The following SBNO1 variants were observed in gnomAD, a reference collection of about 807,000 sequenced individuals.
SBNO1 encodes the protein strawberry notch homolog 1, also known as protein strawberry notch homolog 1.
Under a neutral mutation model 173.6 loss-of-function variants are expected in SBNO1, and 23 were observed. The ratio of observed to expected loss-of-function variants is 0.13; its 90% CI spans 0.10 to 0.19. The LOEUF (loss-of-function observed/expected upper bound fraction) is 0.19. Among genes scored for constraint, SBNO1 ranks in the 10% least tolerant of loss-of-function variants. The pLI is 1.00. For synonymous variants in SBNO1, 632 were observed against 571.5 expected (o/e 1.11, Z -1.51); for missense variants, 1,238 against 1,671.2 (o/e 0.74, Z 4.52).
At chr12:123,311,746 A>ATATATT (rs1555246243) in intron 24 of SBNO1, among the ~76,000 whole-genome samples, 1 of 135,948 alleles carries the variant, frequency 7.4e-6, no homozygotes, top group Admixed American at 7.5e-5. Flanking sequence ...ATATATATAT[A>ATATATT]TATTTTTGCG....
rs367807815 is a variant in SBNO1 at position 123,325,479 on chromosome 12, C to A, written c.1973+23G>T. On this transcript the variant is annotated intron_variant, in intron 15 of 31. Coordinates refer to ENST00000602398, the MANE Select transcript of SBNO1 (RefSeq NM_001167856.3). ...GGAAGAACTCAAAAAGAAACAAAAA[C>A]ATTAAAAGAACAAAAACATTACTTG... is the stretch of plus-strand genomic sequence containing the variant. 9.6e-5 allele frequency: 148 copies of A among 1,540,766 alleles called. No homozygotes were observed. The African/African-American group carries it at 1.3e-3, about 13-fold the overall frequency.
At position 123,328,041 on chromosome 12, in the gene SBNO1, G is replaced by GTGTTACA; in HGVS notation, c.1297-15_1297-14insTGTAACA. Reference sequence around the variant, plus strand: ...ATCAAACACTATCTAAATGGAATGAGTTAAGGAATGTATCACATTAGTATT... The same window carrying GTGTTACA: ...ATCAAACACTATCTAAATGGAATGAGTGTTACATTAAGGAATGTATCACATTAGTATT... On this transcript the variant is annotated splice_polypyrimidine_tract_variant and intron_variant, in intron 10 of 31. Coordinates refer to ENST00000602398, the MANE Select transcript of SBNO1 (RefSeq NM_001167856.3). 1 of 1,586,592 alleles carries GTGTTACA rather than the reference G, an allele frequency of 6.3e-7. No homozygotes were observed. Among genetic ancestry groups the GTGTTACA allele is most frequent in the Non-Finnish European group, 8.6e-7 (1 of 1,161,836 alleles).
chr12:123,337,159 A>AT, intron 5 of SBNO1, among the ~76,000 whole-genome samples: 1 of 152,332 alleles, frequency 6.6e-6, no homozygotes, highest in Admixed American at 6.5e-5. Flanking sequence ...ACCCTGGCAC[A>AT]TTTGAGTTGG....
chr12:123,320,364 C>T (rs879186673), intron 19 of SBNO1, 68 bp downstream of exon 19: 2 of 1,365,596 alleles, frequency 1.5e-6, no homozygotes, highest in Admixed American at 2.2e-5. Context: ...TGAAGACAGT[C>T]AAAATACAAC....
chr12:123,304,312 G>A (rs940027391), intron 29 of SBNO1, among the ~76,000 whole-genome samples: 1 of 152,112 alleles, frequency 6.6e-6, no homozygotes, highest in African/African-American at 2.4e-5. Flanking sequence ...TTGGCTCACT[G>A]CAACCTCCGC....
intron 17 of SBNO1, 85 bp downstream of exon 17, chr12:123,321,450 G>A: frequency 1.0e-6 from 1 of 963,924 alleles, no homozygotes; most frequent in South Asian, 1.4e-5. Context: ...CATTTGTACT[G>A]TACAGAAGAA....
intron 1 of SBNO1, among the ~76,000 whole-genome samples, chr12:123,359,363 A>G (rs1268715313): frequency 6.6e-6 from 1 of 151,462 alleles, no homozygotes; most frequent in Non-Finnish European, 1.5e-5. Context: ...TGGCCAACAT[A>G]TACACTGGCC....
At position 123,323,693 on chromosome 12, in the gene SBNO1, T is replaced by C. The variant is rs114599080; in HGVS notation, c.2112A>G (p.Ile704Met). The change falls in exon 16 of 32, where the codon ATA becomes ATG. Residue 704 changes from isoleucine (I) to methionine (M), a missense_variant. This residue lies in a region of SBNO1 where 81 missense variants were observed against 82.6 expected (regional missense o/e 0.98). Coordinates refer to ENST00000602398, the MANE Select transcript of SBNO1 (RefSeq NM_001167856.3). ...PRDSPCKENK[I>M]KKRKGEEITR... Reference sequence around the variant, plus strand: ...TAAAGTGCTCACCTTTCCGCTTCTTTATTTTATTTTCTTTACAAGGACTAT... The same window carrying C: ...TAAAGTGCTCACCTTTCCGCTTCTTCATTTTATTTTCTTTACAAGGACTAT... The C allele has an allele frequency of 6.8e-5, 109 of 1,606,660 alleles. No individual in the cohort carries two copies. In the African/African-American group the frequency reaches 7.1e-4, roughly 10 times the overall value.
chr12:123,296,472 G>A (rs558421197), intron 31 of SBNO1, among the ~76,000 whole-genome samples: 11 of 144,584 alleles, frequency 7.6e-5, no homozygotes, highest in Admixed American at 4.2e-4. Context: ...ATACTCTCTG[G>A]GTGCTGGTTA....
intron 1 of SBNO1, among the ~76,000 whole-genome samples, chr12:123,355,827 T>C (rs892000234): frequency 6.6e-6 from 1 of 152,098 alleles, no homozygotes; most frequent in African/African-American, 2.4e-5. Context: ...CATGACCTAT[T>C]TCAAAACAGT....
intron 28 of SBNO1, among the ~76,000 whole-genome samples, chr12:123,305,752 C>T (rs1438509396): frequency 1.3e-5 from 2 of 151,984 alleles, no homozygotes; most frequent in African/African-American, 2.4e-5. Flanking sequence ...GGATTACAGA[C>T]GTGAGCCACC....
At position 123,315,035 on chromosome 12, in the gene SBNO1, G is replaced by A. The variant is rs561615921; in HGVS notation, c.3120+338C>T. Reference sequence around the variant, plus strand: ...TGGGATTACAGACATGAGCCACAGCGCCTGGCCTTTATATATATTTTATAC... The same window carrying A: ...TGGGATTACAGACATGAGCCACAGCACCTGGCCTTTATATATATTTTATAC... On this transcript the variant is annotated intron_variant, in intron 23 of 31. Coordinates refer to ENST00000602398, the MANE Select transcript of SBNO1 (RefSeq NM_001167856.3). 5.3e-5 allele frequency among the ~76,000 whole-genome samples: 8 copies of A among 151,880 alleles called. No homozygotes were observed. The East Asian group carries it at 5.8e-4, about 11-fold the overall frequency.
chr12:123,304,871 A>G (rs1406021807), intron 28 of SBNO1, 152 bp from the exon 29 acceptor site: 6 of 601,254 alleles, frequency 1.0e-5, no homozygotes, highest in African/African-American at 3.8e-5. Context: ...TGCTTGTTTA[A>G]AAGACTAACA....
chr12:123,347,610 C>T (rs1039998326), intron 3 of SBNO1, among the ~76,000 whole-genome samples: 7 of 151,504 alleles, frequency 4.6e-5, no homozygotes, highest in African/African-American at 1.7e-4. Context: ...ACTGCAACCT[C>T]CTCCACTTCC....
In SBNO1 at chr12:123,289,532, G is replaced by A. The variant is rs899293200; in HGVS notation, c.*6376C>T. 3.9e-5 allele frequency: 6 copies of A among 152,210 alleles called. No individual in the cohort carries two copies. The highest frequency in any genetic ancestry group is 1.4e-4 in the African/African-American group (6 of 41,444). 9.4% of individuals were successfully genotyped at this position (152,210 alleles called of 1,614,324 possible). On this transcript the variant is annotated 3_prime_UTR_variant, in exon 32 of 32. Transcript: ENST00000602398. ...AAGTTGTCTTTGGATCCCATCAGAT[G>A]TTGTCTCCAGATGCACCATGTCAGA...
chr12:123,324,398 T>C (rs1870363991), intron 15 of SBNO1, among the ~76,000 whole-genome samples: 1 of 151,288 alleles, frequency 6.6e-6, no homozygotes, highest in African/African-American at 2.4e-5. Flanking sequence ...CTCAGCTCAC[T>C]GCAACCTCCG....
rs1466343196 is a variant in SBNO1 at position 123,304,697 on chromosome 12, G to C, written c.3653C>G (p.Ala1218Gly). Reference sequence around the variant, plus strand: ...AGGATTCACTTCTTTAACTAAGATGGCAGTTTTCTTGTTGTTCCTTATCTG... The same window carrying C: ...AGGATTCACTTCTTTAACTAAGATGCCAGTTTTCTTGTTGTTCCTTATCTG... ...SLQIRNNKKT[A>G]ILVKEVNPKK... The change falls in exon 29 of 32, where the codon GCC becomes GGC. Residue 1218 changes from alanine (A) to glycine (G), a missense_variant. Physicochemically the swap from Ala to Gly is moderately conservative, Grantham distance 60. This residue lies in a region of SBNO1 where 351 missense variants were observed against 420.3 expected (regional missense o/e 0.84). Coordinates refer to ENST00000602398, the MANE Select transcript of SBNO1 (RefSeq NM_001167856.3). 6.5e-7 allele frequency: 1 copy of C among 1,536,620 alleles called. No individual in the cohort carries two copies. Among genetic ancestry groups the C allele is most frequent in the Non-Finnish European group, 9.0e-7 (1 of 1,116,008 alleles).
At chr12:123,308,183 G>A (rs2048967728) in intron 28 of SBNO1, among the ~76,000 whole-genome samples, 1 of 151,800 alleles carries the variant, frequency 6.6e-6, no homozygotes, top group African/African-American at 2.4e-5. Flanking sequence ...AGATACTGCT[G>A]AATATCTACA....
Position 123,298,151 on chromosome 12 carries a change from G to C in SBNO1, c.3866C>G (p.Ala1289Gly), listed in dbSNP as rs151271718. ...TATTTCACAAACTAGCCCCAAGCTT[G>C]CTTTTTTGCAATTGCCGCGCCTAAG... ...HAYWRGNCKK[A>G]SLGLVCEIGL... The change falls in exon 31 of 32, where the codon GCA becomes GGA. Residue 1289 changes from alanine to glycine, a missense_variant. Ala to Gly is a moderately conservative substitution (Grantham distance 60). Coordinates refer to ENST00000602398, the MANE Select transcript of SBNO1 (RefSeq NM_001167856.3). The C allele has an allele frequency of 1.9e-6, 3 of 1,612,752 alleles. No homozygotes were observed. The African/African-American group carries it at 4.0e-5, about 22-fold the overall frequency.
Sources: gnomAD v4.1 joint callset for allele counts (sites outside exome capture counted in the v4.1 genomes callset) on GRCh38, gnomAD v4.1.1 for gene constraint, gnomAD v4.1.1 regional missense constraint, MANE v1.5 for transcripts, NCBI Gene and HGNC (gene_info 2026-07-23, HGNC 2026-07-21) for gene names.